Variants in CFAP77 observed in about 807,000 individuals in gnomAD.
CFAP77 encodes cilia and flagella associated protein 77, also known as cilia- and flagella-associated protein 77.
In CFAP77, 25 loss-of-function variants were observed where a neutral mutation model predicts 31.1. That is an observed-to-expected ratio of 0.80 (90% CI 0.59 to 1.12). The LOEUF (loss-of-function observed/expected upper bound fraction) is 1.12. CFAP77 is among the 50% of genes most tolerant of loss of function. The pLI, the probability that CFAP77 is intolerant of heterozygous loss-of-function variation, is 0.00. For synonymous variants in CFAP77, 151 were observed against 159.9 expected, an observed-to-expected ratio of 0.94 and a Z score of 0.42; for missense variants, 377 against 397.3, an observed-to-expected ratio of 0.95 and a Z score of 0.44.
chr9:132,419,401 C>T (rs201426992), intron 1 of CFAP77, among the ~76,000 whole-genome samples: 2 of 152,174 alleles, frequency 1.3e-5, no homozygotes, highest in East Asian at 1.9e-4. Flanking sequence ...TGTGCCGTGG[C>T]GTCAGAGAAG....
intron 3 of CFAP77, among the ~76,000 whole-genome samples, chr9:132,522,386 T>C (rs944807): frequency 0.44 from 66,954 of 152,016 alleles, 15,372 homozygotes; most frequent in East Asian, 0.77. Context: ...CTCTCTGGGC[T>C]TCGCTTCCCA....
chr9:132,529,507 TA>T lies in CFAP77; in HGVS notation c.525-8082del, dbSNP rs750691279. On this transcript the variant is annotated intron_variant, in intron 3 of 5. Transcript: ENST00000393216. Reference sequence around the variant, plus strand: ...ATGTACCCTAAAACTTAGAGTATAATAAAAAAAAAAAACAAAAAAAAAACTA... The same window carrying T: ...ATGTACCCTAAAACTTAGAGTATAATAAAAAAAAAAACAAAAAAAAAACTA... Among the ~76,000 whole-genome samples the T allele has an allele frequency of 1.8e-3, 194 of 108,780 alleles. 10 individuals carry two copies. Among genetic ancestry groups the T allele is most frequent in the East Asian group, 9.4e-3 (37 of 3,942 alleles). 71.4% of individuals were successfully genotyped at this position (108,780 alleles called of 152,430 possible).
chr9:132,458,355 G>T (rs1276277400), intron 1 of CFAP77, among the ~76,000 whole-genome samples: 12 of 133,822 alleles, frequency 9.0e-5, no homozygotes, highest in African/African-American at 4.0e-4. Context: ...GGGAGGGGGG[G>T]GGGTGTGTAT....
chr9:132,552,588 C>T lies in CFAP77; in HGVS notation c.732+9541C>T, dbSNP rs1430567793. On this transcript the variant is annotated intron_variant, in intron 5 of 5. Coordinates refer to ENST00000393216, the MANE Select transcript of CFAP77 (RefSeq NM_001282957.2). This position sits in a 1 kb window ranked among gnomAD's most constrained non-coding sequence, Gnocchi z 5.5. ...GTGTGCTCCTGTAATCCCAGCTACC[C>T]GGCAGGCTGAGGCAGGAGAATTGCT... is the stretch of plus-strand genomic sequence containing the variant. Among the ~76,000 whole-genome samples the T allele has an allele frequency of 2.0e-5, 3 of 151,560 alleles. No homozygotes were observed. The highest frequency in any genetic ancestry group is 1.9e-4 in the East Asian group (1 of 5,146).
chr9:132,486,026 A>ATGTATG (rs1564223008), intron 1 of CFAP77, among the ~76,000 whole-genome samples: 8 of 26,776 alleles, frequency 3.0e-4, no homozygotes, highest in Non-Finnish European at 4.8e-4. Flanking sequence ...ATATATATAT[A>ATGTATG]TATATATATA....
At chr9:132,435,142 A>G (rs1850483560) in intron 1 of CFAP77, among the ~76,000 whole-genome samples, 1 of 152,124 alleles carries the variant, frequency 6.6e-6, no homozygotes, top group African/African-American at 2.4e-5. Context: ...TGACAGGGTA[A>G]TCCTAGGAAC....
At chr9:132,419,775 G>A (rs146910970) in intron 1 of CFAP77, among the ~76,000 whole-genome samples, 18 of 152,218 alleles carry the variant, frequency 1.2e-4, no homozygotes, top group Non-Finnish European at 1.5e-4. Context: ...GCAAGGGACC[G>A]GAGGAAACAC....
chr9:132,553,307 T>C (rs75695921), intron 5 of CFAP77, among the ~76,000 whole-genome samples: 1 of 152,112 alleles, frequency 6.6e-6, no homozygotes, highest in Non-Finnish European at 1.5e-5. Flanking sequence ...GGGATTCACA[T>C]ACGCTTTTTG....
chr9:132,551,426 G>A (rs544937138), intron 5 of CFAP77, among the ~76,000 whole-genome samples: 1 of 152,266 alleles, frequency 6.6e-6, no homozygotes, highest in South Asian at 2.1e-4. Flanking sequence ...CTCCTGAGTA[G>A]CTGGGATTAC....
chr9:132,429,760 G>A (rs1344084986), intron 1 of CFAP77, among the ~76,000 whole-genome samples: 1 of 151,998 alleles, frequency 6.6e-6, no homozygotes, highest in Non-Finnish European at 1.5e-5. Context: ...GGAGGCTGAG[G>A]CAGGAGAATG....
chr9:132,442,176 G>A (rs753254171), intron 1 of CFAP77, among the ~76,000 whole-genome samples: 48 of 152,126 alleles, frequency 3.2e-4, no homozygotes, highest in Non-Finnish European at 4.4e-4. Context: ...ATTGCAGTGG[G>A]GATGGATTAT....
intron 1 of CFAP77, among the ~76,000 whole-genome samples, chr9:132,412,985 G>GT (rs1850036425): frequency 6.6e-6 from 1 of 152,134 alleles, no homozygotes; most frequent in Non-Finnish European, 1.5e-5. Flanking sequence ...GCACTCTGCC[G>GT]TGGTGTCTTT....
chr9:132,415,696 C>T (rs1026224367), intron 1 of CFAP77, among the ~76,000 whole-genome samples: 2 of 152,146 alleles, frequency 1.3e-5, no homozygotes, highest in Non-Finnish European at 2.9e-5. Flanking sequence ...CAGGCTCAAG[C>T]GTTGCTCACT....
chr9:132,446,556 T>C (rs925421182), intron 1 of CFAP77, among the ~76,000 whole-genome samples: 7 of 151,886 alleles, frequency 4.6e-5, no homozygotes. Flanking sequence ...CTTGCTAACA[T>C]GGTGAAACCC....
At chr9:132,524,769 C>A (rs1198214489) in intron 3 of CFAP77, among the ~76,000 whole-genome samples, 1 of 151,562 alleles carries the variant, frequency 6.6e-6, no homozygotes, top group African/African-American at 2.4e-5. Context: ...CTGCGTCAGC[C>A]TCCCAAGTAG....
At chr9:132,506,384 C>T (rs991073919) in intron 3 of CFAP77, among the ~76,000 whole-genome samples, 2 of 152,106 alleles carry the variant, frequency 1.3e-5, no homozygotes, top group African/African-American at 4.8e-5. Context: ...ATGCCCTCGG[C>T]ACATCTTAAT....
At chr9:132,447,952 G>A (rs769330140) in intron 1 of CFAP77, among the ~76,000 whole-genome samples, 32 of 152,202 alleles carry the variant, frequency 2.1e-4, no homozygotes, top group Non-Finnish European at 3.8e-4. Flanking sequence ...GTATTATGCA[G>A]TTAGGGGCTG....
Position 132,501,460 on chromosome 9 carries a change from G to A in CFAP77, c.524+1860G>A, listed in dbSNP as rs900995962. 2.7e-5 allele frequency among the ~76,000 whole-genome samples: 4 copies of A among 150,714 alleles called. No homozygotes were observed. The highest frequency in any genetic ancestry group is 2.1e-4 in the South Asian group (1 of 4,762). On this transcript the variant is annotated intron_variant, in intron 3 of 5. Coordinates refer to ENST00000393216, the MANE Select transcript of CFAP77 (RefSeq NM_001282957.2). The surrounding 1 kb of genome is among the most constrained non-coding windows in gnomAD (Gnocchi z 4.6). ...GTCCCCCAGGCTGGAGTGCAGTGGC[G>A]CAGTCTCAGCTCACTGCAACCTCTG...
At chr9:132,512,229 T>A (rs1834121565) in intron 3 of CFAP77, among the ~76,000 whole-genome samples, 1 of 152,186 alleles carries the variant, frequency 6.6e-6, no homozygotes, top group African/African-American at 2.4e-5. Flanking sequence ...CACTGCTGCC[T>A]CAAACTTCAC....
Sources: gnomAD v4.1 joint callset for allele counts (sites outside exome capture counted in the v4.1 genomes callset) on GRCh38, gnomAD v4.1.1 for gene constraint, Gnocchi (gnomAD v3.1) non-coding constraint, MANE v1.5 for transcripts, NCBI Gene and HGNC (gene_info 2026-07-23, HGNC 2026-07-21) for gene names.